The following SPHKAP variants were observed in gnomAD, a reference collection of about 807,000 sequenced individuals.
SPHKAP encodes SPHK1 interactor, AKAP domain containing, also known as A-kinase anchor protein SPHKAP.
SPHKAP carries 67 observed loss-of-function variants against 137.5 expected under a neutral mutation model. The observed-to-expected ratio is 0.49, with a 90% CI of 0.40 to 0.60. The LOEUF is 0.60. Among genes scored for constraint, SPHKAP ranks in the 20% least tolerant of loss-of-function variants. The pLI is 0.00. For missense variants in SPHKAP, 2,097 were observed against 2,069.3 expected, an observed-to-expected ratio of 1.01 and a Z score of -0.26; for synonymous variants, 813 against 785.3, an observed-to-expected ratio of 1.04 and a Z score of -0.59.
intron 2 of SPHKAP, chr2:228,131,720 A>G (rs1428202737): frequency 7.6e-6 from 7 of 917,320 alleles, no homozygotes; most frequent in Non-Finnish European, 9.1e-6. Context: ...GGCTAAGTTT[A>G]AAAAGAAGTA....
intron 3 of SPHKAP, among the ~76,000 whole-genome samples, chr2:228,080,702 TG>T (rs1323696555): frequency 3.5e-5 from 5 of 144,198 alleles, no homozygotes; most frequent in Admixed American, 7.1e-5. Context: ...AGTGAAACTC[TG>T]TCTCAAAATA....
intron 6 of SPHKAP, 44 bp downstream of exon 6, chr2:228,021,667 A>G (rs772386993): frequency 2.6e-6 from 4 of 1,564,656 alleles, no homozygotes; most frequent in East Asian, 2.2e-5. Context: ...AGACATTTTT[A>G]TACGGGGACT....
intron 1 of SPHKAP, among the ~76,000 whole-genome samples, chr2:228,161,415 T>A (rs1700269437): frequency 6.6e-6 from 1 of 152,282 alleles, no homozygotes; most frequent in Admixed American, 6.5e-5. Context: ...GTTTCAGCCA[T>A]CAGTGAAGAA....
chr2:227,991,807 C>G, intron 9 of SPHKAP: 1 of 554,420 alleles, frequency 1.8e-6, no homozygotes, highest in Non-Finnish European at 2.3e-6. Flanking sequence ...AATAATTTTA[C>G]ATGTATATGG....
intron 2 of SPHKAP, among the ~76,000 whole-genome samples, chr2:228,119,515 G>A (rs368243110): frequency 8.3e-6 from 1 of 120,684 alleles, no homozygotes; most frequent in African/African-American, 2.9e-5. Flanking sequence ...CTAGAAGTCA[G>A]GAGGTTTCAT....
intron 3 of SPHKAP, among the ~76,000 whole-genome samples, chr2:228,062,579 T>C (rs1696688198): frequency 6.6e-6 from 1 of 151,856 alleles, no homozygotes; most frequent in African/African-American, 2.4e-5. Context: ...GAAATATGTC[T>C]CCATACCATG....
At chr2:228,048,585 T>C (rs1696149498) in intron 3 of SPHKAP, among the ~76,000 whole-genome samples, 1 of 152,142 alleles carries the variant, frequency 6.6e-6, no homozygotes, top group African/African-American at 2.4e-5. Flanking sequence ...TACTGTACTT[T>C]TACTGTAATT....
chr2:228,019,398 C>T lies in SPHKAP; in HGVS notation c.1456G>A (p.Glu486Lys). 6.2e-7 allele frequency: 1 copy of T among 1,614,164 alleles called. No individual in the cohort carries two copies. The highest frequency in any genetic ancestry group is 8.5e-7 in the Non-Finnish European group (1 of 1,180,034). The change falls in exon 7 of 12, where the codon GAG becomes AAG. Residue 486 changes from glutamate (E) to lysine (K), a missense_variant. By Grantham distance (56) the Glu-to-Lys change is moderately conservative. Coordinates refer to ENST00000392056, the MANE Select transcript of SPHKAP (RefSeq NM_001142644.2). The part of the protein sequence containing the change: ...SVETSSILSG[E>K]NSSRQPQSAL... ...CTCTGGGGTTGTCTGCTGGAGTTCT[C>T]TCCAGAGAGGATGCTTGAGGTTTCA...
At chr2:228,040,323 C>T (rs979887026) in intron 3 of SPHKAP, among the ~76,000 whole-genome samples, 1 of 152,098 alleles carries the variant, frequency 6.6e-6, no homozygotes, top group South Asian at 2.1e-4. Context: ...TTTTTCTAAC[C>T]AAAAGGCTTC....
intron 2 of SPHKAP, among the ~76,000 whole-genome samples, chr2:228,111,939 A>C (rs1328212015): frequency 6.6e-6 from 1 of 152,108 alleles, no homozygotes; most frequent in Admixed American, 6.6e-5. Flanking sequence ...CTTCCATTTT[A>C]AAGTTAGTTT....
At chr2:228,117,778 G>C (rs1244133949) in intron 2 of SPHKAP, among the ~76,000 whole-genome samples, 1 of 151,104 alleles carries the variant, frequency 6.6e-6, no homozygotes, top group South Asian at 2.1e-4. Flanking sequence ...TTTAGTTAAA[G>C]GTATCCTAAG....
chr2:228,002,745 T>G (rs1215922272), intron 7 of SPHKAP, among the ~76,000 whole-genome samples: 2 of 152,204 alleles, frequency 1.3e-5, no homozygotes, highest in Admixed American at 6.5e-5. Flanking sequence ...AATTTTTGTA[T>G]AAGGTGTAAG....
intron 1 of SPHKAP, among the ~76,000 whole-genome samples, chr2:228,180,486 A>G (rs1700874126): frequency 6.6e-6 from 1 of 152,132 alleles, no homozygotes; most frequent in African/African-American, 2.4e-5. Flanking sequence ...AAGAATCCGA[A>G]CTTAAAGTGT....
In SPHKAP at chr2:227,991,079, G is replaced by A. The variant is rs1204272934; in HGVS notation, c.4880C>T (p.Thr1627Ile). Reference protein sequence around the residue: ...PECPDAELRATLQWIAASELG... With the variant: ...PECPDAELRAILQWIAASELG... ...TTCAGAGGCAGCTATCCACTGCAGA[G>A]TGGCTCGGAGCTCGGCATCTGGACA... The change falls in exon 11 of 12, where the codon ACT becomes ATT. Residue 1627 changes from threonine to isoleucine, a missense_variant. By Grantham distance (89) the Thr-to-Ile change is moderately conservative (BLOSUM62 -1). Transcript: ENST00000392056. 1 of 1,614,148 alleles carries A rather than the reference G, an allele frequency of 6.2e-7. No individual in the cohort carries two copies. The highest frequency in any genetic ancestry group is 1.3e-5 in the African/African-American group (1 of 75,070).
In SPHKAP at chr2:228,019,406, A is replaced by T; in HGVS notation, c.1448T>A (p.Leu483His). The T allele has an allele frequency of 1.2e-6, 2 of 1,614,104 alleles. No individual in the cohort carries two copies. Among genetic ancestry groups the T allele is most frequent in the South Asian group, 1.1e-5 (1 of 91,074 alleles). Residue 483 changes from leucine (L) to histidine (H), a missense_variant, in exon 7 of 12, where the codon CTC becomes CAC. Leu to His is a moderately conservative substitution (Grantham distance 99, BLOSUM62 -3). Coordinates refer to ENST00000392056, the MANE Select transcript of SPHKAP (RefSeq NM_001142644.2). ...TTGTCTGCTGGAGTTCTCTCCAGAGAGGATGCTTGAGGTTTCAACAGAGAC... is the reference window on the plus strand; with the variant it reads ...TTGTCTGCTGGAGTTCTCTCCAGAGTGGATGCTTGAGGTTTCAACAGAGAC... Reference protein sequence around the residue: ...MEVSVETSSILSGENSSRQPQ... With the variant: ...MEVSVETSSIHSGENSSRQPQ...
In SPHKAP at chr2:228,020,097, T is replaced by C; in HGVS notation, c.757A>G (p.Thr253Ala). ...VLESKQLKGATQVEWNCNKEK... is the reference protein window; with the variant it reads ...VLESKQLKGAAQVEWNCNKEK... ...TTGTTGCAATTCCATTCCACCTGGG[T>C]GGCTCCCTTTAGCTGTTTACTTTCC... The change falls in exon 7 of 12, where the codon ACC (threonine) becomes GCC (alanine). Residue 253 changes from threonine to alanine, a missense_variant. Transcript: ENST00000392056. The C allele has an allele frequency of 6.2e-7, 1 of 1,614,074 alleles. No homozygotes were observed. Among genetic ancestry groups the C allele is most frequent in the Non-Finnish European group, 8.5e-7 (1 of 1,179,996 alleles).
intron 1 of SPHKAP, among the ~76,000 whole-genome samples, chr2:228,135,999 C>T (rs1481569386): frequency 6.6e-6 from 1 of 152,130 alleles, no homozygotes; most frequent in African/African-American, 2.4e-5. Flanking sequence ...TGTTCCCATA[C>T]CTTTTGGATG....
At chr2:228,089,596 A>G (rs528557446) in intron 3 of SPHKAP, among the ~76,000 whole-genome samples, 1 of 152,320 alleles carries the variant, frequency 6.6e-6, no homozygotes, top group Admixed American at 6.5e-5. Flanking sequence ...AAGCAATTTT[A>G]GAAATCTTTG....
chr2:227,996,623 G>A (rs1693649767), intron 7 of SPHKAP, among the ~76,000 whole-genome samples: 1 of 152,150 alleles, frequency 6.6e-6, no homozygotes, highest in Non-Finnish European at 1.5e-5. Flanking sequence ...TTTACAAGCG[G>A]GTCTTCTGCA....
Sources: allele counts gnomAD v4.1 joint callset (sites outside exome capture counted in the v4.1 genomes callset), GRCh38; gene constraint gnomAD v4.1.1; transcripts MANE v1.5; gene names NCBI Gene and HGNC (gene_info 2026-07-23, HGNC 2026-07-21).